SEMA3A: variants seen among roughly 807,000 people sequenced by gnomAD.
SEMA3A encodes the protein semaphorin 3A.
Under a neutral mutation model 97.9 loss-of-function variants are expected in SEMA3A, and 29 were observed. The observed-to-expected ratio is 0.30, with a 90% CI of 0.22 to 0.40. The LOEUF is 0.40. SEMA3A is among the 10% of genes least tolerant of loss of function. The probability of loss-of-function intolerance (pLI) is 1.00; values close to 1 mark genes in which losing one functional copy is unlikely to be tolerated. For synonymous variants in SEMA3A, 321 were observed against 323.7 expected, an observed-to-expected ratio of 0.99 and a Z score of 0.09; for missense variants, 763 against 951.3, an observed-to-expected ratio of 0.80 and a Z score of 2.60.
intron 1 of SEMA3A, among the ~76,000 whole-genome samples, chr7:84,442,026 C>T (rs1427409239): frequency 6.6e-6 from 1 of 152,066 alleles, no homozygotes; most frequent in Non-Finnish European, 1.5e-5. Context: ...AATGAAAGAA[C>T]ACTAGATAGT....
At chr7:84,148,413 G>A (rs1038976409) in intron 1 of SEMA3A, among the ~76,000 whole-genome samples, 1 of 152,102 alleles carries the variant, frequency 6.6e-6, no homozygotes, top group African/African-American at 2.4e-5. Flanking sequence ...CAATGATGTT[G>A]AAAACTAACG....
chr7:84,338,476 C>T (rs1295313262), intron 2 of SEMA3A, among the ~76,000 whole-genome samples: 1 of 152,026 alleles, frequency 6.6e-6, no homozygotes, highest in Admixed American at 6.6e-5. Context: ...AATGGTAATA[C>T]TCTTAATGTT....
At chr7:84,431,694 AATAG>A (rs376828242) in intron 1 of SEMA3A, among the ~76,000 whole-genome samples, 40 of 152,136 alleles carry the variant, frequency 2.6e-4, no homozygotes, top group Admixed American at 3.9e-4. Context: ...ATTATTGAAT[AATAG>A]ATAAAGCCAG....
chr7:83,973,018 A>C (rs1162041577), intron 15 of SEMA3A, among the ~76,000 whole-genome samples: 3 of 152,138 alleles, frequency 2.0e-5, no homozygotes, highest in African/African-American at 4.8e-5. Context: ...CTGATATCAG[A>C]ATGTGTCTTA....
chr7:84,013,392 T>A (rs1285304873), intron 7 of SEMA3A, among the ~76,000 whole-genome samples: 1 of 152,198 alleles, frequency 6.6e-6, no homozygotes, highest in Admixed American at 6.5e-5. Context: ...ATAAGTGAAA[T>A]ACCTCAGATA....
intron 3 of SEMA3A, among the ~76,000 whole-genome samples, chr7:84,271,570 T>C (rs1355284344): frequency 6.6e-6 from 1 of 152,132 alleles, no homozygotes; most frequent in East Asian, 1.9e-4. Context: ...AGCCATGTTA[T>C]CTGGTTTCTG....
chr7:84,117,688 C>T (rs2115970488), intron 3 of SEMA3A, among the ~76,000 whole-genome samples: 1 of 152,290 alleles, frequency 6.6e-6, no homozygotes, highest in South Asian at 2.1e-4. Flanking sequence ...ACCCCAAAAC[C>T]ATCCCCTTTT....
At chr7:84,007,919 C>G (rs548411990) in intron 9 of SEMA3A, among the ~76,000 whole-genome samples, 22 of 152,134 alleles carry the variant, frequency 1.4e-4, no homozygotes, top group Non-Finnish European at 2.8e-4. Context: ...TAAGAACTCA[C>G]TTTGTAGGCT....
chr7:83,989,831 C>T (rs1789821638), intron 12 of SEMA3A, among the ~76,000 whole-genome samples: 1 of 149,834 alleles, frequency 6.7e-6, no homozygotes, highest in South Asian at 2.1e-4. Flanking sequence ...GGGTATATAC[C>T]CAGTAATGGG....
intron 1 of SEMA3A, among the ~76,000 whole-genome samples, chr7:84,136,741 C>T (rs1796135849): frequency 6.6e-6 from 1 of 151,788 alleles, no homozygotes; most frequent in African/African-American, 2.4e-5. Flanking sequence ...TTTCATATTA[C>T]CTGGTCAACA....
intron 5 of SEMA3A, among the ~76,000 whole-genome samples, chr7:84,056,890 T>C (rs757547282): frequency 3.6e-4 from 55 of 152,344 alleles, no homozygotes; most frequent in Middle Eastern, 3.4e-3. Context: ...ATTTTATCTT[T>C]GCATATATTA....
At chr7:84,213,509 T>C (rs893190279) in intron 3 of SEMA3A, among the ~76,000 whole-genome samples, 9 of 152,184 alleles carry the variant, frequency 5.9e-5, no homozygotes, top group African/African-American at 2.2e-4. Flanking sequence ...GGTCTTGAAC[T>C]CCTGGCTCCC....
chr7:84,067,796 G>T (rs879773503), intron 4 of SEMA3A, among the ~76,000 whole-genome samples: 13 of 150,248 alleles, frequency 8.7e-5, no homozygotes, highest in East Asian at 7.9e-4. Flanking sequence ...AGGATGTGGA[G>T]AAATAGGAAC....
chr7:84,082,750 A>G (rs1234576764), intron 4 of SEMA3A, among the ~76,000 whole-genome samples: 1 of 152,096 alleles, frequency 6.6e-6, no homozygotes, highest in Non-Finnish European at 1.5e-5. Flanking sequence ...AATAATTTCT[A>G]TAAATTACTG....
chr7:84,348,987 A>C (rs146799851), intron 2 of SEMA3A, among the ~76,000 whole-genome samples: 158 of 152,238 alleles, frequency 1.0e-3, no homozygotes, highest in African/African-American at 3.3e-3. Flanking sequence ...CCATCTCAAA[A>C]AAAAAGTTCT....
intron 1 of SEMA3A, among the ~76,000 whole-genome samples, chr7:84,490,492 C>G (rs1220441043): frequency 1.3e-5 from 2 of 152,098 alleles, no homozygotes; most frequent in African/African-American, 4.8e-5. Context: ...ATTAAGTTAA[C>G]TGAAACTTAG....
rs765416248 is a variant in SEMA3A, at chr7:84,333,478, C to T, written c.-168-26186G>A. Among the ~76,000 whole-genome samples the T allele has an allele frequency of 9.2e-5, 14 of 152,092 alleles. No individual in the cohort carries two copies. In the South Asian group the frequency reaches 1.7e-3, roughly 18 times the overall value. ...AACTAAAACAAGCAAAGAAACAACA[C>T]GATGAGGTGAGGAGAGTGACTTTAG... On this transcript the variant is annotated intron_variant, in intron 2 of 3. Coordinates refer to the SEMA3A transcript ENST00000424555.
intron 1 of SEMA3A, among the ~76,000 whole-genome samples, chr7:84,153,942 TTCCATA>T (rs1796756065): frequency 6.6e-6 from 1 of 152,080 alleles, no homozygotes; most frequent in Non-Finnish European, 1.5e-5. Flanking sequence ...TATGGAGACG[TTCCATA>T]AAACACTAGT....
At chr7:84,029,203 G>C (rs2116459622) in intron 6 of SEMA3A, among the ~76,000 whole-genome samples, 1 of 152,190 alleles carries the variant, frequency 6.6e-6, no homozygotes, top group East Asian at 1.9e-4. Context: ...ACTAAATCGT[G>C]ACCTATGCTT....
Sources: gnomAD v4.1 joint callset for allele counts (sites outside exome capture counted in the v4.1 genomes callset) on GRCh38, gnomAD v4.1.1 for gene constraint, MANE v1.5 for transcripts, NCBI Gene and HGNC (gene_info 2026-07-23, HGNC 2026-07-21) for gene names.